Variants in ATP2B1 observed in about 807,000 individuals in gnomAD.
The protein encoded by ATP2B1 is plasma membrane calcium-transporting ATPase 1.
Under a neutral mutation model 124.2 loss-of-function variants are expected in ATP2B1, and 14 were observed. That is an observed-to-expected ratio of 0.11 (90% CI 0.07 to 0.18). ATP2B1 has a LOEUF of 0.18. Among genes scored for constraint, ATP2B1 ranks in the 10% least tolerant of loss-of-function variants. ATP2B1 has a pLI of 1.00. For synonymous variants in ATP2B1, 449 were observed against 492.4 expected (o/e 0.91, Z 1.17); for missense variants, 763 against 1,466.1 (o/e 0.52, Z 7.83).
chr12:89,636,877 G>A (rs1049384128), intron 3 of ATP2B1, among the ~76,000 whole-genome samples: 8 of 152,154 alleles, frequency 5.3e-5, no homozygotes, highest in Non-Finnish European at 7.3e-5. Flanking sequence ...ATCACCATGT[G>A]TCATTGTGTA....
At chr12:89,657,392 A>G (rs1886091422) in intron 1 of ATP2B1, among the ~76,000 whole-genome samples, 1 of 152,228 alleles carries the variant, frequency 6.6e-6, no homozygotes, top group Admixed American at 6.5e-5. Context: ...TCATGCCACT[A>G]AATCTAAACC....
At position 89,647,383 on chromosome 12, in the gene ATP2B1, T is replaced by C. The variant is rs142211645; in HGVS notation, c.209-5028A>G. Among the ~76,000 whole-genome samples the C allele has an allele frequency of 8.5e-5, 13 of 152,340 alleles. No homozygotes were observed. In the East Asian group the frequency reaches 2.5e-3, roughly 29 times the overall value. On this transcript the variant is annotated intron_variant, in intron 2 of 20. Coordinates refer to ENST00000428670, the MANE Select transcript of ATP2B1 (RefSeq NM_001366521.1). ...CTATGAGTAGATAACAGCTCAGAAG[T>C]ACTGTCTTTATATTTGAAAAGAACA...
chr12:89,646,226 A>T (rs929170797), intron 2 of ATP2B1, among the ~76,000 whole-genome samples: 10 of 152,130 alleles, frequency 6.6e-5, no homozygotes, highest in Non-Finnish European at 1.2e-4. Flanking sequence ...TGTTTCATAG[A>T]TTTAAACAAA....
intron 5 of ATP2B1, among the ~76,000 whole-genome samples, chr12:89,633,293 C>T (rs1882168588): frequency 6.6e-6 from 1 of 151,224 alleles, no homozygotes. Flanking sequence ...GTTCTTTTTT[C>T]TTTTTTTTAA....
chr12:89,624,891 C>T (rs989371896), intron 8 of ATP2B1, among the ~76,000 whole-genome samples: 15 of 152,136 alleles, frequency 9.9e-5, no homozygotes, highest in South Asian at 4.1e-4. Flanking sequence ...TTTTTTTGCT[C>T]TATCCTTACT....
chr12:89,657,232 C>G lies in ATP2B1; in HGVS notation c.-221-1125G>C, dbSNP rs376744759. On this transcript the variant is annotated intron_variant, in intron 1 of 20. Coordinates refer to ENST00000428670, the MANE Select transcript of ATP2B1 (RefSeq NM_001366521.1). ...TAAGTTAATTCTACCTTTGAAAAGT[C>G]TCTTCTGTATATAACCCCTTTTCTT... Among the ~76,000 whole-genome samples the G allele has an allele frequency of 1.9e-3, 286 of 152,280 alleles. 2 individuals carry two copies. Among genetic ancestry groups the G allele is most frequent in the South Asian group, 8.3e-3 (40 of 4,826 alleles).
At position 89,624,360 on chromosome 12, in the gene ATP2B1, T is replaced by C. The variant is rs1354850365; in HGVS notation, c.1167A>G (p.Val389=). The C allele has an allele frequency of 1.9e-6, 3 of 1,613,984 alleles. No individual in the cohort carries two copies. Among genetic ancestry groups the C allele is most frequent in the East Asian group, 2.2e-5 (1 of 44,870 alleles). Residue 389 remains valine (V), a synonymous_variant, in exon 9 of 21, where the codon GTA becomes GTG. Coordinates refer to ENST00000428670, the MANE Select transcript of ATP2B1 (RefSeq NM_001366521.1). ...AGAAGGTGTCAATGACAAAATATAA[T>C]ACTAGAATGATAACTGTGATGGCAG... ...LMSAITVIIL[V]LYFVIDTFWV... is the part of the protein sequence containing the mutation.
chr12:89,609,686 A>T (rs1877626126), intron 15 of ATP2B1, among the ~76,000 whole-genome samples: 1 of 152,226 alleles, frequency 6.6e-6, no homozygotes, highest in African/African-American at 2.4e-5. Context: ...AAATTAACAG[A>T]ATACAAAGCC....
At chr12:89,692,686 T>G (rs1347748274) in intron 1 of ATP2B1, among the ~76,000 whole-genome samples, 2 of 152,192 alleles carry the variant, frequency 1.3e-5, no homozygotes, top group Admixed American at 1.3e-4. Flanking sequence ...TAGGAGGTGC[T>G]CCTTACAATT....
intron 1 of ATP2B1, among the ~76,000 whole-genome samples, chr12:89,669,737 A>C (rs1007471210): frequency 6.6e-6 from 1 of 152,170 alleles, no homozygotes; most frequent in African/African-American, 2.4e-5. Context: ...TAATATTTTT[A>C]ATTTGTCTCT....
At chr12:89,606,797 A>C (rs1462371080) in intron 15 of ATP2B1, among the ~76,000 whole-genome samples, 2 of 151,952 alleles carry the variant, frequency 1.3e-5, no homozygotes, top group African/African-American at 4.8e-5. Flanking sequence ...ACTGGTCTTG[A>C]ATTCCTGACC....
At chr12:89,628,989 A>T (rs1327771031) in intron 6 of ATP2B1, among the ~76,000 whole-genome samples, 1 of 149,932 alleles carries the variant, frequency 6.7e-6, no homozygotes, top group Non-Finnish European at 1.5e-5. Flanking sequence ...CCTGTTCTTT[A>T]AAAAAAAAAC....
chr12:89,598,456 TCAATC>T (rs1293422786), intron 20 of ATP2B1: 4 of 1,040,962 alleles, frequency 3.8e-6, no homozygotes, highest in Non-Finnish European at 5.5e-6. Context: ...CTTTGAGGTC[TCAATC>T]CACTTTACGA....
intron 18 of ATP2B1, among the ~76,000 whole-genome samples, chr12:89,602,094 C>G (rs1358976856): frequency 6.6e-6 from 1 of 152,074 alleles, no homozygotes; most frequent in Non-Finnish European, 1.5e-5. Flanking sequence ...TTATGTTTTG[C>G]TTGTTATTCT....
chr12:89,655,162 A>G (rs1307023585), intron 2 of ATP2B1, among the ~76,000 whole-genome samples: 1 of 152,242 alleles, frequency 6.6e-6, no homozygotes, highest in Non-Finnish European at 1.5e-5. Flanking sequence ...ATTAAAGGAA[A>G]TGTCTGTTAG....
intron 1 of ATP2B1, among the ~76,000 whole-genome samples, chr12:89,672,764 A>G (rs1014260287): frequency 6.6e-6 from 1 of 152,124 alleles, no homozygotes; most frequent in Non-Finnish European, 1.5e-5. Context: ...ACTCAAACTT[A>G]TGACTATAGA....
chr12:89,594,767 C>A (rs1874257275), intron 20 of ATP2B1: 1 of 151,844 alleles, frequency 6.6e-6, no homozygotes, highest in African/African-American at 2.4e-5. Context: ...TTTCTAAATA[C>A]CATCCTAACT....
intron 1 of ATP2B1, among the ~76,000 whole-genome samples, chr12:89,664,463 T>G (rs113397318): frequency 0.018 from 2,817 of 152,354 alleles, 45 homozygotes; most frequent in Non-Finnish European, 0.028. Context: ...TTATGATAGC[T>G]GTCTCTTGGG....
At chr12:89,597,815 T>A in intron 20 of ATP2B1, among the ~76,000 whole-genome samples, 1 of 152,064 alleles carries the variant, frequency 6.6e-6, no homozygotes, top group Non-Finnish European at 1.5e-5. Flanking sequence ...AAAATGTTAT[T>A]TTAGTCAATT....
Sources: allele counts gnomAD v4.1 joint callset (sites outside exome capture counted in the v4.1 genomes callset), GRCh38; gene constraint gnomAD v4.1.1; transcripts MANE v1.5; gene names NCBI Gene and HGNC (gene_info 2026-07-23, HGNC 2026-07-21).